DNAJC21: variants seen among roughly 807,000 people sequenced by gnomAD.
DNAJC21 encodes the protein dnaJ homolog subfamily C member 21.
In DNAJC21, 63 loss-of-function variants were observed where a neutral mutation model predicts 72.4. That is an observed-to-expected ratio of 0.87 (90% CI 0.71 to 1.07). The LOEUF (loss-of-function observed/expected upper bound fraction) is 1.07, where lower values mean the gene tolerates loss of function less well. DNAJC21 is among the 50% of genes least tolerant of loss of function. The pLI is 0.00. For synonymous variants in DNAJC21, 203 were observed against 216.7 expected (o/e 0.94, Z 0.56); for missense variants, 634 against 644.8 (o/e 0.98, Z 0.18).
rs886108817 is a variant in DNAJC21 at position 34,929,571 on chromosome 5, G to GGCCGCCGGCACC, written c.-245_-234dup. ...CCACCCCTAGCCCATGCGAAGCGGC[G>GGCCGCCGGCACC]GCCGCCGGCACCGCCCCCGCCGCGC... On this transcript the variant is annotated 5_prime_UTR_variant, in exon 1 of 12. Transcript: ENST00000648817. 1.3e-5 allele frequency: 2 copies of GGCCGCCGGCACC among 151,454 alleles called. No individual in the cohort carries two copies. Among genetic ancestry groups the GGCCGCCGGCACC allele is most frequent in the Non-Finnish European group, 2.9e-5 (2 of 68,014 alleles). 9.4% of individuals were successfully genotyped at this position (151,454 alleles called of 1,614,324 possible). A position where few individuals can be genotyped will look rare whatever the true frequency, so the allele number is the denominator to read the frequency against.
intron 3 of DNAJC21, 150 bp downstream of exon 3, chr5:34,935,983 C>A: frequency 7.1e-7 from 1 of 1,404,896 alleles, no homozygotes; most frequent in Non-Finnish European, 9.6e-7. Context: ...TTTAAGCTGT[C>A]AGTGTATAAA....
chr5:34,949,907 C>T (rs1765302956), intron 9 of DNAJC21, among the ~76,000 whole-genome samples: 1 of 152,066 alleles, frequency 6.6e-6, no homozygotes, highest in African/African-American at 2.4e-5. Context: ...AGTATTTTTT[C>T]ACATAATTGA....
intron 6 of DNAJC21, among the ~76,000 whole-genome samples, chr5:34,940,740 G>A (rs1163439942): frequency 2.0e-5 from 3 of 152,198 alleles, no homozygotes; most frequent in Non-Finnish European, 4.4e-5. Context: ...TTGTAAATGT[G>A]TTTGGACCAA....
intron 10 of DNAJC21, chr5:34,950,653 C>T (rs1435588068): frequency 1.2e-5 from 12 of 1,022,636 alleles, no homozygotes; most frequent in Non-Finnish European, 1.4e-5. Flanking sequence ...TAACACTTGA[C>T]ACTCACATGA....
intron 10 of DNAJC21, 34 bp downstream of exon 10, chr5:34,950,376 T>G: frequency 6.3e-7 from 1 of 1,593,068 alleles, no homozygotes; most frequent in Non-Finnish European, 8.5e-7. Flanking sequence ...TGTAAATTAC[T>G]GAATATTGAT....
At chr5:34,938,188 TTAA>T (rs759491863) in intron 5 of DNAJC21, among the ~76,000 whole-genome samples, 46 of 152,364 alleles carry the variant, frequency 3.0e-4, no homozygotes, top group Non-Finnish European at 5.0e-4. Flanking sequence ...ATAATTTTAA[TTAA>T]TAACTAGCGT....
rs779102555 is a variant in DNAJC21, at chr5:34,929,847, G to T, written c.28G>T (p.Val10Leu). ...GAAGTGTCACTATGAGGCGCTGGGG[G>T]TGCGGCGCGACGCCAGCGAGGAGGA... Reference protein sequence around the residue: MKCHYEALGVRRDASEEELK... With the variant: MKCHYEALGLRRDASEEELK... Residue 10 changes from valine to leucine, a missense_variant, in exon 1 of 12, where the codon GTG becomes TTG. Coordinates refer to ENST00000648817, the MANE Select transcript of DNAJC21 (RefSeq NM_001012339.3). 3 of 1,577,856 alleles carry T rather than the reference G, an allele frequency of 1.9e-6. No homozygotes were observed. The highest frequency in any genetic ancestry group is 1.8e-5 in the Admixed American group (1 of 56,966).
chr5:34,938,881 A>G lies in DNAJC21; in HGVS notation c.767A>G (p.Gln256Arg). 4 of 1,614,124 alleles carry G rather than the reference A, an allele frequency of 2.5e-6. No individual in the cohort carries two copies. Among genetic ancestry groups the G allele is most frequent in the South Asian group, 1.1e-5 (1 of 91,074 alleles). The change falls in exon 6 of 12, where the codon CAG becomes CGG. Residue 256 changes from glutamine to arginine, a missense_variant. Coordinates refer to ENST00000648817, the MANE Select transcript of DNAJC21 (RefSeq NM_001012339.3). ...AGACTGGTGGAGCAGTACAGAGAACAGAGCTGGATGACTATGGCCAATTTG... is the reference window on the plus strand; with the variant it reads ...AGACTGGTGGAGCAGTACAGAGAACGGAGCTGGATGACTATGGCCAATTTG... ...QAKLVEQYRE[Q>R]SWMTMANLEK...
At chr5:34,951,388 A>G (rs1168256564) in intron 10 of DNAJC21, 1 of 985,332 alleles carries the variant, frequency 1.0e-6, no homozygotes, top group East Asian at 1.1e-4. Flanking sequence ...TCTGCCTGAC[A>G]ACTTGAAGGC....
intron 4 of DNAJC21, 143 bp downstream of exon 4, chr5:34,936,409 C>G: frequency 9.9e-7 from 1 of 1,008,168 alleles, no homozygotes; most frequent in Non-Finnish European, 1.4e-6. Flanking sequence ...GCCTCAAACT[C>G]CTGGGCTTAA....
At chr5:34,949,703 C>T (rs375794992) in intron 9 of DNAJC21, 20 of 1,611,468 alleles carry the variant, frequency 1.2e-5, no homozygotes, top group East Asian at 2.2e-5. Context: ...GTTTGCCAGG[C>T]GTCTTTCTTT....
In DNAJC21 at chr5:34,935,698, T is replaced by G; in HGVS notation, c.192-12T>G. ...TTCAGCCTTCACAATGATGCTAATT[T>G]TTGTTTTTCAGGTATGATAATCATA... On this transcript the variant is annotated splice_polypyrimidine_tract_variant and intron_variant, in intron 2 of 11. Coordinates refer to ENST00000648817, the MANE Select transcript of DNAJC21 (RefSeq NM_001012339.3). 1 of 1,613,820 alleles carries G rather than the reference T, an allele frequency of 6.2e-7. No individual in the cohort carries two copies. The highest frequency in any genetic ancestry group is 1.7e-4 in the Middle Eastern group (1 of 6,056).
At chr5:34,940,294 T>TGGAAA (rs1764944479) in intron 6 of DNAJC21, among the ~76,000 whole-genome samples, 1 of 152,200 alleles carries the variant, frequency 6.6e-6, no homozygotes, top group Non-Finnish European at 1.5e-5. Flanking sequence ...AATACCATAA[T>TGGAAA]GGAAAATTAA....
chr5:34,942,053 TG>T (rs1163978140), intron 7 of DNAJC21, among the ~76,000 whole-genome samples: 1 of 152,162 alleles, frequency 6.6e-6, no homozygotes, highest in Non-Finnish European at 1.5e-5. Flanking sequence ...TTCCTATAGC[TG>T]CTTTTAAAAC....
intron 2 of DNAJC21, among the ~76,000 whole-genome samples, chr5:34,934,924 G>C (rs923274275): frequency 2.0e-5 from 3 of 152,142 alleles, no homozygotes; most frequent in Non-Finnish European, 4.4e-5. Flanking sequence ...TTGGAGATCT[G>C]GTCTTAGAAT....
chr5:34,947,570 TGTAA>T (rs144375721), intron 9 of DNAJC21, among the ~76,000 whole-genome samples: 19,431 of 151,494 alleles, frequency 0.13, 1,461 homozygotes, highest in South Asian at 0.21. Context: ...TATTTTTATG[TGTAA>T]GTATTTTATT....
At chr5:34,951,608 A>G (rs1580541653) in intron 10 of DNAJC21, 4 of 955,978 alleles carry the variant, frequency 4.2e-6, no homozygotes, top group African/African-American at 1.8e-5. Context: ...GCTCACTGCA[A>G]CCTCCGCCTC....
chr5:34,940,362 A>G (rs998029727), intron 6 of DNAJC21, among the ~76,000 whole-genome samples: 2 of 152,232 alleles, frequency 1.3e-5, no homozygotes, highest in South Asian at 2.1e-4. Context: ...TATGATTTCA[A>G]TGAGACAGTC....
At chr5:34,936,288 C>G in intron 4 of DNAJC21, 22 bp downstream of exon 4, 11 of 1,601,290 alleles carry the variant, frequency 6.9e-6, no homozygotes, top group Non-Finnish European at 9.3e-6. Flanking sequence ...ATGCATTGTT[C>G]TATAATTAGT....
Sources: gnomAD v4.1 joint callset for allele counts (sites outside exome capture counted in the v4.1 genomes callset) on GRCh38, gnomAD v4.1.1 for gene constraint, MANE v1.5 for transcripts, NCBI Gene and HGNC (gene_info 2026-07-23, HGNC 2026-07-21) for gene names.